The following MAGI2 variants were observed in gnomAD, a reference collection of about 807,000 sequenced individuals.
The protein encoded by MAGI2 is membrane associated guanylate kinase, WW and PDZ domain containing 2, also known as membrane-associated guanylate kinase, WW and PDZ domain-containing protein 2.
In MAGI2, 35 loss-of-function variants were observed where a neutral mutation model predicts 133.3. That is an observed-to-expected ratio of 0.26 (90% CI 0.20 to 0.35). The LOEUF is 0.35. Among genes scored for constraint, MAGI2 ranks in the 10% least tolerant of loss-of-function variants. The pLI is 1.00. For synonymous variants in MAGI2, 729 were observed against 710.6 expected, an observed-to-expected ratio of 1.03 and a Z score of -0.41; for missense variants, 1,636 against 1,863.4, an observed-to-expected ratio of 0.88 and a Z score of 2.25.
At chr7:78,527,006 CAAAA>C (rs55707442) in intron 3 of MAGI2, among the ~76,000 whole-genome samples, 30 of 45,402 alleles carry the variant, frequency 6.6e-4, no homozygotes, top group Middle Eastern at 0.019. Flanking sequence ...GACTCCATCT[CAAAA>C]AAAAAAAAAA....
At chr7:79,110,202 C>A (rs1020865181) in intron 1 of MAGI2, among the ~76,000 whole-genome samples, 1 of 151,926 alleles carries the variant, frequency 6.6e-6, no homozygotes, top group East Asian at 2.0e-4. Flanking sequence ...GAAAAAGAGC[C>A]CTCACAGAGA....
intron 20 of MAGI2, among the ~76,000 whole-genome samples, chr7:78,080,086 A>G (rs1316707385): frequency 6.6e-6 from 1 of 152,246 alleles, no homozygotes; most frequent in Non-Finnish European, 1.5e-5. Context: ...GCTAATCATT[A>G]TCAGTGTGGA....
At chr7:79,368,847 CAAAAAAAAAAAAAAA>C (rs71095400) in intron 1 of MAGI2, among the ~76,000 whole-genome samples, 3 of 75,328 alleles carry the variant, frequency 4.0e-5, no homozygotes, top group African/African-American at 4.1e-5. Context: ...GACTCCGTCT[CAAAAAAAAAAAAAAA>C]AAAAAAAAAA....
At chr7:78,417,239 TTAAA>T (rs1256273115) in intron 6 of MAGI2, among the ~76,000 whole-genome samples, 13 of 151,898 alleles carry the variant, frequency 8.6e-5, no homozygotes, top group South Asian at 2.1e-4. Context: ...TTGAAGCAAA[TTAAA>T]TAAAGACTCC....
chr7:79,069,573 T>C (rs577004063), intron 1 of MAGI2, among the ~76,000 whole-genome samples: 2 of 152,328 alleles, frequency 1.3e-5, no homozygotes, highest in South Asian at 2.1e-4. Context: ...TGTCTTTTAA[T>C]TGGGGCAATT....
chr7:78,374,425 T>C (rs1228437950), intron 6 of MAGI2, among the ~76,000 whole-genome samples: 4 of 152,172 alleles, frequency 2.6e-5, no homozygotes, highest in African/African-American at 9.7e-5. Flanking sequence ...TTTTTGCTTC[T>C]TCAATTAAGT....
intron 1 of MAGI2, among the ~76,000 whole-genome samples, chr7:79,337,947 C>T (rs1840562103): frequency 6.6e-6 from 1 of 152,054 alleles, no homozygotes; most frequent in African/African-American, 2.4e-5. Flanking sequence ...AAGCTAGTGA[C>T]CCGGGAATAT....
chr7:79,091,697 G>A (rs562281169), intron 1 of MAGI2, among the ~76,000 whole-genome samples: 2 of 151,866 alleles, frequency 1.3e-5, no homozygotes, highest in South Asian at 4.2e-4. Context: ...CAGGTTTTGA[G>A]AGCCATATGG....
chr7:78,557,093 AAAAAAAAG>A (rs1799909264), intron 3 of MAGI2, among the ~76,000 whole-genome samples: 1 of 116,400 alleles, frequency 8.6e-6, no homozygotes, highest in Admixed American at 1.0e-4. Flanking sequence ...AAAAAAAAAA[AAAAAAAAG>A]AAAAAGAAAA....
chr7:79,301,277 A>G (rs1466393400), intron 1 of MAGI2, among the ~76,000 whole-genome samples: 1 of 152,224 alleles, frequency 6.6e-6, no homozygotes, highest in Non-Finnish European at 1.5e-5. Context: ...AGCCACAGAC[A>G]CTCAAATCCA....
At chr7:79,354,492 C>T (rs1386484846) in intron 1 of MAGI2, 1 of 152,272 alleles carries the variant, frequency 6.6e-6, no homozygotes, top group African/African-American at 2.4e-5. Context: ...ATAGAACCCA[C>T]ACACAAACTT....
chr7:78,675,248 CTGT>C (rs57947329), intron 2 of MAGI2, among the ~76,000 whole-genome samples: 29,404 of 150,534 alleles, frequency 0.2, 3,068 homozygotes, highest in African/African-American at 0.24. Context: ...TTATGGGTTG[CTGT>C]TGTTGTTGTT....
At chr7:79,350,483 G>A (rs1247897492) in intron 1 of MAGI2, among the ~76,000 whole-genome samples, 4 of 152,046 alleles carry the variant, frequency 2.6e-5, no homozygotes, top group Non-Finnish European at 4.4e-5. Context: ...TGAGAAAAGT[G>A]ATAATAAGGA....
intron 1 of MAGI2, among the ~76,000 whole-genome samples, chr7:79,258,911 C>T (rs1425065407): frequency 6.6e-6 from 1 of 152,272 alleles, no homozygotes; most frequent in African/African-American, 2.4e-5. Flanking sequence ...AATCTACTAT[C>T]TTCAGAGCTC....
chr7:79,151,042 A>G (rs919811095), intron 1 of MAGI2, among the ~76,000 whole-genome samples: 10 of 152,000 alleles, frequency 6.6e-5, no homozygotes, highest in African/African-American at 2.2e-4. Flanking sequence ...TGAGATGACC[A>G]GGCAGACTTT....
At chr7:79,431,668 T>C (rs898154174) in intron 1 of MAGI2, among the ~76,000 whole-genome samples, 4 of 152,164 alleles carry the variant, frequency 2.6e-5, no homozygotes, top group African/African-American at 7.2e-5. Flanking sequence ...CTTTCTAAGA[T>C]GGGAAGAAGG....
In MAGI2 at chr7:78,477,089, C is replaced by T. The variant is rs559840015; in HGVS notation, c.1045+12672G>A. On this transcript the variant is annotated intron_variant, in intron 6 of 21. Coordinates refer to ENST00000354212, the MANE Select transcript of MAGI2 (RefSeq NM_012301.4). ...AATTACTTGGCTTTGGGTTGATGAT[C>T]TGGATCTGTTTCTCCCATTTCTGAG... is the stretch of plus-strand genomic sequence containing the variant. Among the ~76,000 whole-genome samples the T allele has an allele frequency of 2.8e-5, 4 of 144,344 alleles. No individual in the cohort carries two copies. The East Asian group carries it at 8.5e-4, about 31-fold the overall frequency. 94.7% of individuals were successfully genotyped at this position (144,344 alleles called of 152,430 possible).
intron 1 of MAGI2, among the ~76,000 whole-genome samples, chr7:79,030,036 G>A (rs1005464308): frequency 2.6e-5 from 4 of 152,162 alleles, no homozygotes; most frequent in Admixed American, 1.3e-4. Context: ...CTGAGGATAA[G>A]CCACCCCCAC....
At chr7:79,350,491 G>A (rs1193770811) in intron 1 of MAGI2, among the ~76,000 whole-genome samples, 1 of 151,944 alleles carries the variant, frequency 6.6e-6, no homozygotes. Flanking sequence ...GTGATAATAA[G>A]GACCTTGCCT....
Sources: allele counts gnomAD v4.1 joint callset (sites outside exome capture counted in the v4.1 genomes callset), GRCh38; gene constraint gnomAD v4.1.1; transcripts MANE v1.5; gene names NCBI Gene and HGNC (gene_info 2026-07-23, HGNC 2026-07-21).